The following DSCAM variants were observed in gnomAD, a reference collection of about 807,000 sequenced individuals.
DSCAM encodes DS cell adhesion molecule.
A neutral mutation model predicts 217.7 loss-of-function variants in DSCAM; 47 were observed. That is an observed-to-expected ratio of 0.22 (90% CI 0.17 to 0.28). The LOEUF is 0.28. Ranked by LOEUF, DSCAM falls within the 10% of genes least tolerant of loss-of-function variation. The probability of loss-of-function intolerance (pLI) is 1.00; values close to 1 mark genes in which losing one functional copy is unlikely to be tolerated. For synonymous variants in DSCAM, 1,056 were observed against 1,015.3 expected (o/e 1.04, Z -0.76); for missense variants, 2,080 against 2,618.3 (o/e 0.79, Z 4.49).
intron 3 of DSCAM, among the ~76,000 whole-genome samples, chr21:40,630,278 G>A (rs1008145268): frequency 8.5e-5 from 13 of 152,174 alleles, no homozygotes; most frequent in East Asian, 3.9e-4. Context: ...GATAAAACCC[G>A]AATTTGCAAA....
chr21:40,481,408 T>C (rs989017651), intron 3 of DSCAM, among the ~76,000 whole-genome samples: 14 of 151,136 alleles, frequency 9.3e-5, no homozygotes, highest in Admixed American at 2.7e-4. Flanking sequence ...GAGAATGGCA[T>C]GAACCCGGGA....
intron 1 of DSCAM, among the ~76,000 whole-genome samples, chr21:40,834,213 C>T (rs2092036155): frequency 6.6e-6 from 1 of 151,692 alleles, no homozygotes; most frequent in Non-Finnish European, 1.5e-5. Context: ...TCAAGACCAT[C>T]CTGGCTAACA....
At chr21:40,351,961 A>G (rs908871471) in intron 5 of DSCAM, among the ~76,000 whole-genome samples, 2 of 152,292 alleles carry the variant, frequency 1.3e-5, no homozygotes. Flanking sequence ...ACTTGCAATC[A>G]GGAAAGGAAT....
At position 40,764,996 on chromosome 21, in the gene DSCAM, T is replaced by C. The variant is rs2091373231; in HGVS notation, c.44-56225A>G. 2.0e-5 allele frequency among the ~76,000 whole-genome samples: 3 copies of C among 151,466 alleles called. No homozygotes were observed. In the East Asian group the frequency reaches 5.8e-4, roughly 29 times the overall value. ...GGAGAGCATTAGGAAAAATGCCCAA[T>C]GCATGCAGGGCTTAAAACCGAGATG... On this transcript the variant is annotated intron_variant, in intron 1 of 32. Coordinates refer to ENST00000400454, the MANE Select transcript of DSCAM (RefSeq NM_001389.5).
chr21:40,516,046 T>C (rs933818819), intron 3 of DSCAM, among the ~76,000 whole-genome samples: 1 of 152,140 alleles, frequency 6.6e-6, no homozygotes, highest in South Asian at 2.1e-4. Context: ...TGGTAGCGTC[T>C]AATGATAAGG....
chr21:40,730,538 A>G (rs2091001243), intron 1 of DSCAM, among the ~76,000 whole-genome samples: 1 of 152,222 alleles, frequency 6.6e-6, no homozygotes, highest in Non-Finnish European at 1.5e-5. Context: ...ATCTGTAAAG[A>G]CATAACTGTT....
At chr21:40,301,002 C>T (rs1537111) in intron 9 of DSCAM, among the ~76,000 whole-genome samples, 29,440 of 148,516 alleles carry the variant, frequency 0.2, 5,064 homozygotes, top group African/African-American at 0.49. Flanking sequence ...TACTGATTTT[C>T]TTTTCTCCCT....
chr21:40,190,436 GA>G (rs2090942300), intron 11 of DSCAM, among the ~76,000 whole-genome samples: 1 of 152,130 alleles, frequency 6.6e-6, no homozygotes, highest in Non-Finnish European at 1.5e-5. Flanking sequence ...TTAAATATGA[GA>G]CCTCCAAAGC....
At chr21:40,391,044 T>C (rs1601607970) in intron 3 of DSCAM, among the ~76,000 whole-genome samples, 1 of 151,970 alleles carries the variant, frequency 6.6e-6, no homozygotes, top group South Asian at 2.1e-4. Context: ...CTTCTCACTA[T>C]GGAAAAATAT....
At chr21:40,347,593 C>A in intron 6 of DSCAM, 77 bp downstream of exon 6, 1 of 1,583,620 alleles carries the variant, frequency 6.3e-7, no homozygotes. Context: ...AGCACTGCTT[C>A]ACCCTGTCTT....
chr21:40,226,675 T>C (rs1175827777), intron 11 of DSCAM, among the ~76,000 whole-genome samples: 1 of 152,172 alleles, frequency 6.6e-6, no homozygotes, highest in African/African-American at 2.4e-5. Flanking sequence ...AGAACAGCAA[T>C]ATAGATCTTT....
intron 3 of DSCAM, among the ~76,000 whole-genome samples, chr21:40,375,327 T>C (rs1019123378): frequency 6.6e-6 from 1 of 152,246 alleles, no homozygotes; most frequent in Non-Finnish European, 1.5e-5. Context: ...AGTGCCTTGA[T>C]GGAATCCCAC....
intron 3 of DSCAM, among the ~76,000 whole-genome samples, chr21:40,421,315 C>T (rs145827733): frequency 3.9e-5 from 6 of 152,328 alleles, no homozygotes; most frequent in East Asian, 1.9e-4. Context: ...AGGAGAGAAA[C>T]TAAGCATACA....
chr21:40,091,874 C>T (rs2089614758), intron 21 of DSCAM, among the ~76,000 whole-genome samples: 1 of 152,074 alleles, frequency 6.6e-6, no homozygotes, highest in Admixed American at 6.5e-5. Flanking sequence ...AAGACCTGCT[C>T]CCATGACTCA....
At chr21:40,370,360 C>T (rs1457811809) in intron 3 of DSCAM, among the ~76,000 whole-genome samples, 1 of 151,636 alleles carries the variant, frequency 6.6e-6, no homozygotes, top group Non-Finnish European at 1.5e-5. Context: ...GCTATTTCTG[C>T]ATGTGATGTG....
intron 1 of DSCAM, among the ~76,000 whole-genome samples, chr21:40,758,516 C>CAA (rs3071030): frequency 0.37 from 38,248 of 102,748 alleles, 8,298 homozygotes; most frequent in African/African-American, 0.55. Context: ...GACTCTGTCT[C>CAA]AAAAAAAAAA....
chr21:40,489,515 C>G (rs997168638), intron 3 of DSCAM, among the ~76,000 whole-genome samples: 1 of 152,074 alleles, frequency 6.6e-6, no homozygotes, highest in Non-Finnish European at 1.5e-5. Context: ...TGGCTCACGC[C>G]TGTAATCCCA....
At chr21:40,364,652 C>T (rs1189858747) in intron 4 of DSCAM, among the ~76,000 whole-genome samples, 5 of 149,292 alleles carry the variant, frequency 3.3e-5, no homozygotes, top group South Asian at 2.1e-4. Flanking sequence ...ACGTTATGCA[C>T]GTGTACCCTA....
intron 3 of DSCAM, among the ~76,000 whole-genome samples, chr21:40,548,511 A>ATATATATAT (rs59485695): frequency 7.5e-6 from 1 of 132,680 alleles, no homozygotes; most frequent in African/African-American, 2.7e-5. Context: ...AGTAAAAAAA[A>ATATATATAT]AAATATATAT....
Sources: allele counts gnomAD v4.1 joint callset (sites outside exome capture counted in the v4.1 genomes callset), GRCh38; gene constraint gnomAD v4.1.1; transcripts MANE v1.5; gene names NCBI Gene and HGNC (gene_info 2026-07-23, HGNC 2026-07-21).